Variants in DENND1B observed in about 807,000 individuals in gnomAD.
DENND1B encodes the protein DENN domain containing 1B, also known as DENN domain-containing protein 1B.
In DENND1B, 59 loss-of-function variants were observed where a neutral mutation model predicts 90.1. The ratio of observed to expected loss-of-function variants is 0.65; its 90% CI spans 0.53 to 0.81. The LOEUF (loss-of-function observed/expected upper bound fraction) is 0.81, where lower values mean the gene tolerates loss of function less well. DENND1B is among the 40% of genes least tolerant of loss of function. DENND1B has a pLI of 0.00. For missense variants in DENND1B, 862 were observed against 912.6 expected, an observed-to-expected ratio of 0.94 and a Z score of 0.71; for synonymous variants, 337 against 324.6, an observed-to-expected ratio of 1.04 and a Z score of -0.41.
At chr1:197,520,179 T>C (rs770483547) in intron 20 of DENND1B, among the ~76,000 whole-genome samples, 7 of 151,966 alleles carry the variant, frequency 4.6e-5, no homozygotes, top group Non-Finnish European at 1.0e-4. Flanking sequence ...TTTCTTTCAG[T>C]TCTTAGCATC....
At chr1:197,661,187 G>A (rs1262843535) in intron 5 of DENND1B, among the ~76,000 whole-genome samples, 10 of 151,780 alleles carry the variant, frequency 6.6e-5, no homozygotes, top group African/African-American at 1.5e-4. Flanking sequence ...TGCTTAGATC[G>A]CTATTTTACT....
chr1:197,610,342 G>A (rs774408660), intron 12 of DENND1B, among the ~76,000 whole-genome samples: 2 of 150,146 alleles, frequency 1.3e-5, no homozygotes, highest in Non-Finnish European at 3.0e-5. Context: ...TTATTTATAG[G>A]TATCCAAGAA....
chr1:197,754,006 CAATAAAATAA>C (rs1049360561), intron 2 of DENND1B, among the ~76,000 whole-genome samples: 2 of 151,016 alleles, frequency 1.3e-5, no homozygotes, highest in Non-Finnish European at 3.0e-5. Context: ...ATCAAAAAAA[CAATAAAATAA>C]AATAAAATAA....
At chr1:197,608,848 T>A (rs1348817329) in intron 12 of DENND1B, among the ~76,000 whole-genome samples, 1 of 150,582 alleles carries the variant, frequency 6.6e-6, no homozygotes, top group Non-Finnish European at 1.5e-5. Flanking sequence ...GAATATTAAA[T>A]TTTATTTAAG....
intron 5 of DENND1B, among the ~76,000 whole-genome samples, chr1:197,660,214 C>T (rs1289926777): frequency 6.6e-6 from 1 of 151,864 alleles, no homozygotes; most frequent in East Asian, 1.9e-4. Flanking sequence ...ATAAACAACG[C>T]TTGTAAGTTC....
At chr1:197,634,056 A>G (rs917403939) in intron 10 of DENND1B, among the ~76,000 whole-genome samples, 5 of 152,196 alleles carry the variant, frequency 3.3e-5, no homozygotes, top group African/African-American at 1.2e-4. Flanking sequence ...GTGGCACCAC[A>G]GCAACTTCTC....
intron 3 of DENND1B, 125 bp downstream of exon 3, chr1:197,714,906 A>G: frequency 1.4e-6 from 1 of 731,930 alleles, no homozygotes; most frequent in South Asian, 1.7e-5. Context: ...CTCACAGTTG[A>G]TCAAGAGAAA....
chr1:197,574,555 T>C (rs1673481331), intron 15 of DENND1B, among the ~76,000 whole-genome samples: 4 of 152,200 alleles, frequency 2.6e-5, no homozygotes, highest in Non-Finnish European at 1.5e-5. Context: ...CCCATGAAGC[T>C]ACCAATGACT....
At chr1:197,577,562 A>G (rs1673797134) in intron 15 of DENND1B, among the ~76,000 whole-genome samples, 1 of 152,116 alleles carries the variant, frequency 6.6e-6, no homozygotes, top group South Asian at 2.1e-4. Flanking sequence ...AGCAGAAAAA[A>G]CTTCAGTTCC....
chr1:197,682,403 C>T (rs1193802902), intron 3 of DENND1B, among the ~76,000 whole-genome samples: 1 of 152,076 alleles, frequency 6.6e-6, no homozygotes, highest in Non-Finnish European at 1.5e-5. Context: ...AGACTATTTA[C>T]TTAAAAGGTA....
intron 2 of DENND1B, among the ~76,000 whole-genome samples, chr1:197,728,611 G>A (rs1286760474): frequency 5.3e-5 from 8 of 152,158 alleles, no homozygotes; most frequent in East Asian, 1.9e-4. Flanking sequence ...TTATTTCTTC[G>A]AAATGCAGTT....
At chr1:197,780,995 C>T in the DENND1B span, among the ~76,000 whole-genome samples, 2 of 152,140 alleles carry the variant, frequency 1.3e-5, no homozygotes, top group African/African-American at 2.4e-5. Flanking sequence ...CCAACCCCAA[C>T]CACTTATTCA....
intron 3 of DENND1B, among the ~76,000 whole-genome samples, chr1:197,676,439 C>T (rs1304748982): frequency 6.6e-6 from 1 of 152,062 alleles, no homozygotes; most frequent in Non-Finnish European, 1.5e-5. Flanking sequence ...AACACACACA[C>T]ACACACGCAC....
chr1:197,634,819 G>A (rs748699740), intron 10 of DENND1B, among the ~76,000 whole-genome samples: 78 of 152,196 alleles, frequency 5.1e-4, no homozygotes, highest in Admixed American at 3.5e-3. Context: ...TGAAACTCCC[G>A]TCTCTACAAA....
intron 20 of DENND1B, among the ~76,000 whole-genome samples, chr1:197,528,164 T>G (rs1000067846): frequency 6.6e-6 from 1 of 152,136 alleles, no homozygotes; most frequent in Non-Finnish European, 1.5e-5. Flanking sequence ...TCTTATAAGT[T>G]TCACAGAAAA....
chr1:197,527,728 G>T (rs978078067), intron 20 of DENND1B, among the ~76,000 whole-genome samples: 3 of 151,892 alleles, frequency 2.0e-5, no homozygotes, highest in African/African-American at 7.3e-5. Context: ...GTATTATTTT[G>T]TAAACGTTTA....
chr1:197,586,235 AC>A (rs1674680704), intron 14 of DENND1B, among the ~76,000 whole-genome samples: 1 of 152,180 alleles, frequency 6.6e-6, no homozygotes, highest in Non-Finnish European at 1.5e-5. Context: ...AATCCAGCTG[AC>A]TTCTATTAAG....
intron 3 of DENND1B, among the ~76,000 whole-genome samples, chr1:197,679,712 A>G (rs1656460908): frequency 6.6e-6 from 1 of 150,732 alleles, no homozygotes; most frequent in Non-Finnish European, 1.5e-5. Flanking sequence ...TGCTTGGCAA[A>G]TAAAAGGCAA....
At chr1:197,693,089 C>T (rs980088111) in intron 3 of DENND1B, among the ~76,000 whole-genome samples, 5 of 151,628 alleles carry the variant, frequency 3.3e-5, no homozygotes, top group Non-Finnish European at 7.4e-5. Flanking sequence ...AGGGAACAAC[C>T]TTTCCTTTAT....
Sources: allele counts gnomAD v4.1 joint callset (sites outside exome capture counted in the v4.1 genomes callset), GRCh38; gene constraint gnomAD v4.1.1; transcripts MANE v1.5; gene names NCBI Gene and HGNC (gene_info 2026-07-23, HGNC 2026-07-21).